Variants in KAZN observed in about 807,000 individuals in gnomAD.
KAZN encodes kazrin, periplakin interacting protein.
KAZN carries 40 observed loss-of-function variants against 87.4 expected under a neutral mutation model. The observed-to-expected ratio is 0.46, with a 90% CI of 0.36 to 0.60. The LOEUF (loss-of-function observed/expected upper bound fraction) is 0.60. Among genes scored for constraint, KAZN ranks in the 20% least tolerant of loss-of-function variants. KAZN has a pLI of 0.00. For missense variants in KAZN, 898 were observed against 1,073.9 expected (o/e 0.84, Z 2.29); for synonymous variants, 466 against 458.3 (o/e 1.02, Z -0.22).
intron 1 of KAZN, among the ~76,000 whole-genome samples, chr1:14,053,988 G>A (rs988285405): frequency 6.6e-6 from 1 of 152,178 alleles, no homozygotes; most frequent in African/African-American, 2.4e-5. Context: ...AAGTGGAAGT[G>A]AATCATCATA....
At chr1:13,990,593 A>G (rs1234812612) in intron 1 of KAZN, among the ~76,000 whole-genome samples, 1 of 152,154 alleles carries the variant, frequency 6.6e-6, no homozygotes, top group Admixed American at 6.5e-5. Context: ...CTATATTTTG[A>G]TAGAGGTTTG....
At chr1:14,390,129 A>G (rs1356397393) in intron 2 of KAZN, among the ~76,000 whole-genome samples, 1 of 152,234 alleles carries the variant, frequency 6.6e-6, no homozygotes, top group Non-Finnish European at 1.5e-5. Context: ...AATCAGCTAC[A>G]TGTAAATAAA....
intron 2 of KAZN, among the ~76,000 whole-genome samples, chr1:15,030,422 C>T (rs1671574521): frequency 6.6e-6 from 1 of 152,166 alleles, no homozygotes; most frequent in Non-Finnish European, 1.5e-5. Flanking sequence ...CACACGCCAC[C>T]ACGCCCGGCT....
chr1:14,019,000 A>G (rs1227850668), intron 1 of KAZN, among the ~76,000 whole-genome samples: 1 of 152,154 alleles, frequency 6.6e-6, no homozygotes, highest in East Asian at 1.9e-4. Flanking sequence ...CTCTGTCTCT[A>G]TGTACATATC....
intron 1 of KAZN, among the ~76,000 whole-genome samples, chr1:13,975,585 C>G (rs1638310853): frequency 6.6e-6 from 1 of 152,134 alleles, no homozygotes; most frequent in South Asian, 2.1e-4. Flanking sequence ...GTCCCCAGTG[C>G]TGAGTAAAAA....
intron 2 of KAZN, among the ~76,000 whole-genome samples, chr1:14,185,534 A>G (rs926918900): frequency 6.6e-6 from 1 of 152,170 alleles, no homozygotes; most frequent in African/African-American, 2.4e-5. Context: ...CTTATTTTCC[A>G]TTCTTAGTTG....
chr1:14,527,400 T>G (rs548489191), intron 2 of KAZN, among the ~76,000 whole-genome samples: 1 of 152,014 alleles, frequency 6.6e-6, no homozygotes, highest in East Asian at 1.9e-4. Flanking sequence ...AATGCAAAAA[T>G]TAGCCAGGCG....
At position 14,194,436 on chromosome 1, in the gene KAZN, G is replaced by A. The variant is rs113569492; in HGVS notation, c.249+13844G>A. ...CAGGACTTTTCCAGTTCCCTGGACT[G>A]TTACTTGCTCTTTTGCATGAGGCTT... On this transcript the variant is annotated intron_variant, in intron 2 of 16. Transcript: ENST00000636203. Among the ~76,000 whole-genome samples the A allele has an allele frequency of 3.8e-3, 584 of 152,276 alleles. 3 individuals are homozygous for A. Among genetic ancestry groups the A allele is most frequent in the African/African-American group, 0.013 (546 of 41,572 alleles).
chr1:13,893,830 G>T (rs776884905), intron 1 of KAZN: 2 of 1,519,110 alleles, frequency 1.3e-6, no homozygotes, highest in African/African-American at 2.8e-5. Flanking sequence ...CAAAAACAGC[G>T]GTCTGTGTGT....
In KAZN at chr1:14,409,753, T is replaced by G. The variant is rs77726537; in HGVS notation, c.250-189230T>G. ...TTCACCATGTGCAAGAGTCAGAAAT[T>G]ACAGCAAACTGAGGGACTAGACGCT... On this transcript the variant is annotated intron_variant, in intron 2 of 16. Transcript: ENST00000636203. Among the ~76,000 whole-genome samples, 400 of 152,210 alleles carry G rather than the reference T, an allele frequency of 2.6e-3. 2 individuals are homozygous for G. The highest frequency in any genetic ancestry group is 9.3e-3 in the African/African-American group (385 of 41,526).
At chr1:14,699,239 A>G (rs899772142) in intron 1 of KAZN, among the ~76,000 whole-genome samples, 16 of 152,222 alleles carry the variant, frequency 1.1e-4, no homozygotes, top group Non-Finnish European at 2.4e-4. Flanking sequence ...AAAGTCAGGG[A>G]TGATTTTGTG....
intron 2 of KAZN, among the ~76,000 whole-genome samples, chr1:14,500,032 A>G (rs894842871): frequency 6.6e-6 from 1 of 152,082 alleles, no homozygotes; most frequent in Non-Finnish European, 1.5e-5. Flanking sequence ...TTCATATAAT[A>G]ATGAATTAAG....
intron 2 of KAZN, among the ~76,000 whole-genome samples, chr1:14,277,326 T>G (rs986292308): frequency 3.9e-5 from 6 of 152,174 alleles, no homozygotes; most frequent in Admixed American, 6.5e-5. Context: ...ACAGCCACAA[T>G]GCCATTTGTA....
chr1:14,503,799 C>A (rs1246965912), intron 2 of KAZN, among the ~76,000 whole-genome samples: 2 of 152,048 alleles, frequency 1.3e-5, no homozygotes, highest in Admixed American at 6.6e-5. Context: ...TATGCTAATA[C>A]CCTCCTCCTC....
chr1:14,323,255 T>A (rs1002022374), intron 2 of KAZN, among the ~76,000 whole-genome samples: 3 of 151,480 alleles, frequency 2.0e-5, no homozygotes, highest in Non-Finnish European at 4.4e-5. Context: ...CTGCTTGCAC[T>A]TTGCATGGCC....
Position 15,101,056 on chromosome 1 carries a change from C to T in KAZN, c.1548-487C>T, listed in dbSNP as rs574321976. ...TGCCACACGTGGCCCTTCTGCTCCC[C>T]GCCCCTGCGCCTTCTCACCCTCGCT... is the stretch of plus-strand genomic sequence containing the variant. On this transcript the variant is annotated intron_variant, in intron 10 of 14. Transcript: ENST00000376030. Among the ~76,000 whole-genome samples the T allele has an allele frequency of 5.9e-5, 9 of 152,320 alleles. 1 individual carries two copies. The highest frequency in any genetic ancestry group is 1.3e-4 in the Admixed American group (2 of 15,308).
At chr1:14,675,298 A>G (rs969340978) in intron 1 of KAZN, among the ~76,000 whole-genome samples, 4 of 152,240 alleles carry the variant, frequency 2.6e-5, no homozygotes, top group African/African-American at 9.6e-5. Flanking sequence ...CTGGAAGTCA[A>G]GTTCTCAGAG....
intron 2 of KAZN, among the ~76,000 whole-genome samples, chr1:14,205,908 C>G (rs1241643637): frequency 2.6e-4 from 2 of 7,672 alleles, no homozygotes; most frequent in Admixed American, 2.9e-3. Flanking sequence ...AAAAAAAAAG[C>G]TACCTAATGT....
At chr1:14,298,328 G>A (rs1466895964) in intron 2 of KAZN, among the ~76,000 whole-genome samples, 1 of 152,182 alleles carries the variant, frequency 6.6e-6, no homozygotes, top group Non-Finnish European at 1.5e-5. Flanking sequence ...TACAGCCCTT[G>A]TCATTCATGA....
Sources: gnomAD v4.1 joint callset for allele counts (sites outside exome capture counted in the v4.1 genomes callset) on GRCh38, gnomAD v4.1.1 for gene constraint, MANE v1.5 for transcripts, NCBI Gene and HGNC (gene_info 2026-07-23, HGNC 2026-07-21) for gene names.